Variants in VPS54 observed in about 807,000 individuals in gnomAD.
VPS54 encodes the protein vacuolar protein sorting-associated protein 54.
VPS54 carries 45 observed loss-of-function variants against 121.5 expected under a neutral mutation model. The observed-to-expected ratio is 0.37, with a 90% CI of 0.29 to 0.47. The LOEUF (loss-of-function observed/expected upper bound fraction) is 0.47, where lower values mean the gene tolerates loss of function less well. Ranked by LOEUF, VPS54 falls within the 20% of genes least tolerant of loss-of-function variation. VPS54 has a pLI of 0.99. For synonymous variants in VPS54, 371 were observed against 385.8 expected (o/e 0.96, Z 0.45); for missense variants, 1,090 against 1,131.4 (o/e 0.96, Z 0.52).
In VPS54 at chr2:63,966,175, A is replaced by C. The variant is rs535117138; in HGVS notation, c.493-209T>G. On this transcript the variant is annotated intron_variant, in intron 5 of 22. Coordinates refer to ENST00000272322, the MANE Select transcript of VPS54 (RefSeq NM_016516.3). ...GCTTAAAATACTCATAAAAGATACAAAATGTTTTTTGCCTTTACCAATGGA... is the reference window on the plus strand; with the variant it reads ...GCTTAAAATACTCATAAAAGATACACAATGTTTTTTGCCTTTACCAATGGA... Among the ~76,000 whole-genome samples the C allele has an allele frequency of 2.6e-5, 4 of 152,328 alleles. No individual in the cohort carries two copies. In the East Asian group the frequency reaches 7.7e-4, roughly 29 times the overall value.
intron 1 of VPS54, among the ~76,000 whole-genome samples, chr2:63,995,780 G>A (rs889234633): frequency 5.3e-5 from 8 of 152,198 alleles, no homozygotes; most frequent in African/African-American, 1.4e-4. Flanking sequence ...TTCCTATAAC[G>A]AGACTGATCA....
At chr2:64,000,197 G>A (rs1677804527) in intron 1 of VPS54, among the ~76,000 whole-genome samples, 1 of 152,084 alleles carries the variant, frequency 6.6e-6, no homozygotes, top group Admixed American at 6.5e-5. Context: ...GCATTCTTCA[G>A]TATGTCAATT....
chr2:63,956,611 G>A (rs188415337), intron 7 of VPS54, among the ~76,000 whole-genome samples: 11 of 152,250 alleles, frequency 7.2e-5, no homozygotes, highest in Non-Finnish European at 2.9e-5. Context: ...AGCCCAGTGA[G>A]ACCCAAGTTG....
chr2:63,912,621 A>T lies in VPS54; in HGVS notation c.2463T>A (p.Ile821=), dbSNP rs1673199411. Residue 821 remains isoleucine, a synonymous_variant, in exon 19 of 23, where the codon ATT becomes ATA. Coordinates refer to ENST00000272322, the MANE Select transcript of VPS54 (RefSeq NM_016516.3). ...SRCLQLIVHY[I]PVIRAHFEAR... is the part of the protein sequence containing the mutation. ...CTTCAAAATGAGCCCGGATCACAGGAATGTAGTGCACAATTAACTGCAAAC... is the reference window on the plus strand; with the variant it reads ...CTTCAAAATGAGCCCGGATCACAGGTATGTAGTGCACAATTAACTGCAAAC... 1.9e-6 allele frequency: 3 copies of T among 1,593,986 alleles called. No individual in the cohort carries two copies. The highest frequency in any genetic ancestry group is 1.2e-5 in the South Asian group (1 of 86,666).
intron 12 of VPS54, 53 bp downstream of exon 12, chr2:63,933,620 A>T: frequency 6.7e-7 from 1 of 1,497,072 alleles, no homozygotes; most frequent in Non-Finnish European, 9.1e-7. Flanking sequence ...TACTGAATCC[A>T]TTAATAAGAT....
intron 1 of VPS54, among the ~76,000 whole-genome samples, chr2:63,995,735 G>A (rs139042607): frequency 8.6e-4 from 131 of 152,362 alleles, no homozygotes; most frequent in Middle Eastern, 6.8e-3. Flanking sequence ...AATGCAGTGC[G>A]ACTGGAATAC....
intron 1 of VPS54, among the ~76,000 whole-genome samples, chr2:63,991,065 G>C (rs1327310369): frequency 2.0e-5 from 3 of 152,116 alleles, no homozygotes. Context: ...TAATTACTCA[G>C]GCTCAGCTCA....
intron 12 of VPS54, among the ~76,000 whole-genome samples, chr2:63,931,992 AAAATC>A (rs745509400): frequency 5.1e-4 from 78 of 152,346 alleles, no homozygotes; most frequent in Non-Finnish European, 9.3e-4. Flanking sequence ...CGATCACTAC[AAAATC>A]AGGAAACAAC....
chr2:63,910,418 T>C (rs952622857), intron 20 of VPS54, among the ~76,000 whole-genome samples: 7 of 152,154 alleles, frequency 4.6e-5, no homozygotes, highest in African/African-American at 1.7e-4. Flanking sequence ...AATAACCAAA[T>C]GCAATCTGTG....
chr2:63,947,192 T>G lies in VPS54; in HGVS notation c.1245+191A>C, dbSNP rs115054745. On this transcript the variant is annotated intron_variant, in intron 9 of 22. Coordinates refer to ENST00000272322, the MANE Select transcript of VPS54 (RefSeq NM_016516.3). The stretch of plus-strand genomic sequence containing the variant: ...CAACATAAGAAAATCAGTCTACACG[T>G]GGAAATATTCCTATAGCAATAATCT... Among the ~76,000 whole-genome samples, 1,026 of 152,146 alleles carry G rather than the reference T, an allele frequency of 6.7e-3. 12 individuals are homozygous for G. The highest frequency in any genetic ancestry group is 0.023 in the African/African-American group (951 of 41,530).
chr2:63,961,163 C>A (rs1378811714), intron 7 of VPS54, among the ~76,000 whole-genome samples: 2 of 152,160 alleles, frequency 1.3e-5, no homozygotes, highest in Non-Finnish European at 2.9e-5. Flanking sequence ...ACTATATTCC[C>A]AGTATTCATT....
chr2:63,992,779 C>T (rs2104648495), intron 1 of VPS54, among the ~76,000 whole-genome samples: 1 of 152,360 alleles, frequency 6.6e-6, no homozygotes, highest in South Asian at 2.1e-4. Context: ...CCTGCCCCTG[C>T]TTTAATACCT....
At chr2:63,949,898 C>CA (rs1271311171) in intron 7 of VPS54, among the ~76,000 whole-genome samples, 9 of 152,304 alleles carry the variant, frequency 5.9e-5, no homozygotes, top group African/African-American at 2.2e-4. Context: ...TAAAAGAAGT[C>CA]AAAGGAAGTC....
intron 20 of VPS54, among the ~76,000 whole-genome samples, chr2:63,901,387 C>G (rs954056427): frequency 6.6e-6 from 1 of 152,098 alleles, no homozygotes; most frequent in African/African-American, 2.4e-5. Context: ...AAAATTTTAA[C>G]AAATTCTTAA....
At chr2:63,951,067 T>A (rs1352949666) in intron 7 of VPS54, among the ~76,000 whole-genome samples, 1 of 152,150 alleles carries the variant, frequency 6.6e-6, no homozygotes, top group African/African-American at 2.4e-5. Flanking sequence ...AATATTAGAG[T>A]CTATAGGTAT....
intron 2 of VPS54, among the ~76,000 whole-genome samples, chr2:63,983,253 T>C (rs1383698715): frequency 1.3e-5 from 2 of 149,908 alleles, no homozygotes; most frequent in Non-Finnish European, 1.5e-5. Flanking sequence ...TGCCTCAGCC[T>C]CCCAAGCAGC....
Position 63,893,242 on chromosome 2 carries a change from C to A in VPS54, c.*188G>T, listed in dbSNP as rs1575872495. ...CAGTTACTCCTCACTGTAGGATGCA[C>A]AAAAATGACATTCCTTGTAGATCCC... is the stretch of plus-strand genomic sequence containing the variant. On this transcript the variant is annotated 3_prime_UTR_variant, in exon 23 of 23. Coordinates refer to ENST00000272322, the MANE Select transcript of VPS54 (RefSeq NM_016516.3). 2.3e-5 allele frequency: 16 copies of A among 683,392 alleles called. No homozygotes were observed. In the Admixed American group the frequency reaches 2.9e-4, roughly 12 times the overall value. The allele number at this position is 683,392 out of a possible 1,614,324, so 42.3% of individuals were successfully genotyped here. A position where few individuals can be genotyped will look rare whatever the true frequency, so the allele number is the denominator to read the frequency against.
At chr2:63,978,144 T>G (rs75822219) in intron 3 of VPS54, among the ~76,000 whole-genome samples, 1,875 of 152,270 alleles carry the variant, frequency 0.012, 17 homozygotes, top group Non-Finnish European at 0.015. Context: ...CAGTTGTTGA[T>G]TTTCAGTTTG....
At chr2:63,981,547 G>A (rs1676800542) in intron 3 of VPS54, 99 bp downstream of exon 3, 23 of 1,326,624 alleles carry the variant, frequency 1.7e-5, no homozygotes, top group Non-Finnish European at 2.4e-5. Context: ...AATACTATAG[G>A]TTCATCAAAC....
Sources: allele counts gnomAD v4.1 joint callset (sites outside exome capture counted in the v4.1 genomes callset), GRCh38; gene constraint gnomAD v4.1.1; transcripts MANE v1.5; gene names NCBI Gene and HGNC (gene_info 2026-07-23, HGNC 2026-07-21).